The following EYA1 variants were observed in gnomAD, a reference collection of about 807,000 sequenced individuals.
EYA1 encodes the protein EYA transcriptional coactivator and phosphatase 1.
EYA1 carries 16 observed loss-of-function variants against 82.0 expected under a neutral mutation model. The ratio of observed to expected loss-of-function variants is 0.20; its 90% CI spans 0.13 to 0.30. The LOEUF is 0.30. Ranked by LOEUF, EYA1 falls within the 10% of genes least tolerant of loss-of-function variation. EYA1 has a pLI of 1.00. For synonymous variants in EYA1, 261 were observed against 264.4 expected, an observed-to-expected ratio of 0.99 and a Z score of 0.12; for missense variants, 633 against 730.7, an observed-to-expected ratio of 0.87 and a Z score of 1.54.
At chr8:71,465,077 A>C (rs1306777616) in intron 2 of EYA1, among the ~76,000 whole-genome samples, 1 of 152,214 alleles carries the variant, frequency 6.6e-6, no homozygotes, top group Non-Finnish European at 1.5e-5. Context: ...TTATTTTTCA[A>C]ATTTTGACAG....
At chr8:71,528,585 G>C (rs992997690) in intron 2 of EYA1, among the ~76,000 whole-genome samples, 1 of 152,096 alleles carries the variant, frequency 6.6e-6, no homozygotes, top group African/African-American at 2.4e-5. Context: ...AGCATGGTCT[G>C]ATGTTCCAAG....
chr8:71,300,973 A>G (rs548186728), intron 7 of EYA1, among the ~76,000 whole-genome samples: 2 of 152,306 alleles, frequency 1.3e-5, no homozygotes, highest in South Asian at 4.1e-4. Flanking sequence ...CATTAAGCCA[A>G]TTTACATTTT....
chr8:71,540,223 T>C (rs889674834), intron 1 of EYA1, among the ~76,000 whole-genome samples: 1 of 152,132 alleles, frequency 6.6e-6, no homozygotes, highest in Non-Finnish European at 1.5e-5. Flanking sequence ...CCCCTACTCC[T>C]TAGAAAAGAA....
At chr8:71,452,255 T>A (rs952125148) in intron 2 of EYA1, among the ~76,000 whole-genome samples, 6 of 152,122 alleles carry the variant, frequency 3.9e-5, no homozygotes, top group African/African-American at 1.4e-4. Context: ...CTTGAGTAGG[T>A]AAACAAAGTG....
chr8:71,438,391 A>G (rs1001116480), intron 2 of EYA1, among the ~76,000 whole-genome samples: 1 of 151,648 alleles, frequency 6.6e-6, no homozygotes, highest in African/African-American at 2.4e-5. Context: ...AACCTAGATA[A>G]ATAATGAAGT....
Position 71,299,678 on chromosome 8 carries a change from T to A in EYA1, c.599A>T (p.Asn200Ile), listed in dbSNP as rs1819987477. Residue 200 changes from asparagine (N) to isoleucine (I), a missense_variant, in exon 8 of 18, where the codon AAT becomes ATT. Coordinates refer to ENST00000340726, the MANE Select transcript of EYA1 (RefSeq NM_000503.6). Reference protein sequence around the residue: ...TTSSGIYTGNNSLTNSSGFNS... With the variant: ...TTSSGIYTGNISLTNSSGFNS... ...AAATCCAGAGGAATTTGTGAGTGAATTATTTCCTGTATATATTCCTGATGA... is the reference window on the plus strand; with the variant it reads ...AAATCCAGAGGAATTTGTGAGTGAAATATTTCCTGTATATATTCCTGATGA... 6.3e-7 allele frequency: 1 copy of A among 1,595,064 alleles called. No homozygotes were observed. Among genetic ancestry groups the A allele is most frequent in the African/African-American group, 1.3e-5 (1 of 74,556 alleles).
intron 9 of EYA1, among the ~76,000 whole-genome samples, chr8:71,282,638 T>C (rs1027189766): frequency 6.6e-6 from 1 of 152,200 alleles, no homozygotes; most frequent in Non-Finnish European, 1.5e-5. Flanking sequence ...TGGGTGCTCT[T>C]TCCCAATCTC....
At chr8:71,222,125 C>G (rs1809998932) in intron 12 of EYA1, among the ~76,000 whole-genome samples, 1 of 152,146 alleles carries the variant, frequency 6.6e-6, no homozygotes, top group Non-Finnish European at 1.5e-5. Context: ...TGAAATTTGC[C>G]TCAGTCTCTC....
At chr8:71,300,457 G>A (rs7822041) in intron 7 of EYA1, among the ~76,000 whole-genome samples, 84,149 of 151,866 alleles carry the variant, frequency 0.55, 23,791 homozygotes, top group East Asian at 0.83. Context: ...TCATATTGGC[G>A]AAAATTTTTT....
chr8:71,352,185 A>T (rs1270569476), intron 3 of EYA1, among the ~76,000 whole-genome samples: 1 of 152,196 alleles, frequency 6.6e-6, no homozygotes, highest in Admixed American at 6.5e-5. Flanking sequence ...AGAAATAGGA[A>T]AATCTATAAT....
At chr8:71,523,167 TTTTTTC>T (rs1175208699) in intron 2 of EYA1, among the ~76,000 whole-genome samples, 27 of 130,462 alleles carry the variant, frequency 2.1e-4, no homozygotes, top group African/African-American at 3.4e-4. Flanking sequence ...TTTTCTTTTC[TTTTTTC>T]TTTTTCTTTT....
rs189521186 is a variant in EYA1 at position 71,299,748 on chromosome 8, T to C, written c.557-28A>G. The C allele has an allele frequency of 5.5e-4, 637 of 1,161,612 alleles. 3 individuals are homozygous for C. The African/African-American group carries it at 8.6e-3, about 16-fold the overall frequency. 72.0% of individuals were successfully genotyped at this position (1,161,612 alleles called of 1,614,324 possible). A position where few individuals can be genotyped will look rare whatever the true frequency, so the allele number is the denominator to read the frequency against. On this transcript the variant is annotated intron_variant, in intron 7 of 17. Coordinates refer to ENST00000340726, the MANE Select transcript of EYA1 (RefSeq NM_000503.6). ...AAAACAAAATGAAAAGAAATACGATTATACCAGGCTTGTGGAATAATGTGG... is the reference window on the plus strand; with the variant it reads ...AAAACAAAATGAAAAGAAATACGATCATACCAGGCTTGTGGAATAATGTGG...
intron 3 of EYA1, among the ~76,000 whole-genome samples, chr8:71,335,953 A>C (rs908586572): frequency 6.6e-5 from 10 of 152,202 alleles, no homozygotes; most frequent in African/African-American, 2.4e-4. Flanking sequence ...GTGCCATGGA[A>C]ACAGGTCCTG....
chr8:71,438,245 G>A (rs1048020771), intron 2 of EYA1, among the ~76,000 whole-genome samples: 1 of 151,952 alleles, frequency 6.6e-6, no homozygotes, highest in Non-Finnish European at 1.5e-5. Context: ...CAATTACTCT[G>A]GTGTGCTAAG....
At chr8:71,515,551 T>C (rs4455870) in intron 2 of EYA1, among the ~76,000 whole-genome samples, 1 of 152,096 alleles carries the variant, frequency 6.6e-6, no homozygotes, top group Non-Finnish European at 1.5e-5. Flanking sequence ...GGTATTGCCA[T>C]GACGGAAAAG....
chr8:71,446,714 T>C (rs1281247754), intron 2 of EYA1, among the ~76,000 whole-genome samples: 1 of 152,200 alleles, frequency 6.6e-6, no homozygotes, highest in Non-Finnish European at 1.5e-5. Context: ...ATTTTCAGGA[T>C]TGGTAGTTAT....
chr8:71,473,291 G>A (rs550549118), intron 2 of EYA1, among the ~76,000 whole-genome samples: 1 of 149,814 alleles, frequency 6.7e-6, no homozygotes, highest in East Asian at 2.0e-4. Context: ...GAAAATTTTT[G>A]CAATCCATCC....
intron 2 of EYA1, among the ~76,000 whole-genome samples, chr8:71,477,730 T>A (rs538815336): frequency 6.6e-6 from 1 of 152,182 alleles, no homozygotes; most frequent in African/African-American, 2.4e-5. Flanking sequence ...CTCCTAGGTA[T>A]ACAGCCAAGA....
intron 7 of EYA1, among the ~76,000 whole-genome samples, chr8:71,301,166 T>A (rs1190263786): frequency 6.6e-6 from 1 of 152,214 alleles, no homozygotes; most frequent in African/African-American, 2.4e-5. Flanking sequence ...TGGTAATATA[T>A]GCCAATTATT....
Sources: gnomAD v4.1 joint callset for allele counts (sites outside exome capture counted in the v4.1 genomes callset) on GRCh38, gnomAD v4.1.1 for gene constraint, MANE v1.5 for transcripts, NCBI Gene and HGNC (gene_info 2026-07-23, HGNC 2026-07-21) for gene names.